The following CCDC192 variants were observed in gnomAD, a reference collection of about 807,000 sequenced individuals.
CCDC192 encodes the protein coiled-coil domain containing 192.
At chr5:127,753,565 G>T (rs751538394) in intron 2 of CCDC192, among the ~76,000 whole-genome samples, 2 of 152,078 alleles carry the variant, frequency 1.3e-5, no homozygotes, top group Admixed American at 1.3e-4. Context: ...GCATGGTGGC[G>T]CGTGCCTGTA....
At chr5:127,799,338 A>G (rs1388585459) in intron 5 of CCDC192, among the ~76,000 whole-genome samples, 2 of 152,232 alleles carry the variant, frequency 1.3e-5, no homozygotes, top group Non-Finnish European at 2.9e-5. Flanking sequence ...CTCTAAATTC[A>G]GAATCTTTTT....
chr5:127,805,282 C>G (rs1278702973), intron 5 of CCDC192, among the ~76,000 whole-genome samples: 1 of 152,148 alleles, frequency 6.6e-6, no homozygotes, highest in Non-Finnish European at 1.5e-5. Flanking sequence ...ATCACTCCCC[C>G]TCCTTGATCA....
intron 5 of CCDC192, among the ~76,000 whole-genome samples, chr5:127,866,806 A>G (rs1483061146): frequency 1.3e-5 from 2 of 152,192 alleles, no homozygotes; most frequent in Non-Finnish European, 2.9e-5. Flanking sequence ...TAACTCTGCC[A>G]CAAGAAAGCT....
chr5:127,891,432 C>T (rs1049406171), intron 6 of CCDC192, among the ~76,000 whole-genome samples: 1 of 152,148 alleles, frequency 6.6e-6, no homozygotes, highest in Non-Finnish European at 1.5e-5. Flanking sequence ...TTTCCACTAC[C>T]AAATCTAAAT....
At chr5:127,939,941 C>T (rs1216654721) in intron 6 of CCDC192, among the ~76,000 whole-genome samples, 1 of 152,184 alleles carries the variant, frequency 6.6e-6, no homozygotes, top group Non-Finnish European at 1.5e-5. Flanking sequence ...AAATGATACC[C>T]AAGCCCTTGA....
At chr5:127,759,663 TAC>T (rs926160621) in intron 3 of CCDC192, among the ~76,000 whole-genome samples, 1 of 152,230 alleles carries the variant, frequency 6.6e-6, no homozygotes, top group African/African-American at 2.4e-5. Context: ...TTTTCACTCC[TAC>T]CAGTGGTCAT....
At chr5:127,842,887 A>G (rs1750350564) in intron 5 of CCDC192, among the ~76,000 whole-genome samples, 1 of 152,154 alleles carries the variant, frequency 6.6e-6, no homozygotes, top group African/African-American at 2.4e-5. Flanking sequence ...CACAACTTCC[A>G]CTATACAGGG....
At chr5:127,895,024 T>C (rs1240138704) in intron 6 of CCDC192, among the ~76,000 whole-genome samples, 1 of 152,198 alleles carries the variant, frequency 6.6e-6, no homozygotes, top group Non-Finnish European at 1.5e-5. Context: ...CAGGGGTACA[T>C]GTGTAGGATG....
chr5:127,785,179 C>G, intron 3 of CCDC192: 1 of 528,378 alleles, frequency 1.9e-6, no homozygotes, highest in South Asian at 1.4e-5. Flanking sequence ...TACCAATTCT[C>G]CTTTAGACAA....
chr5:127,746,971 A>G (rs548130461), intron 2 of CCDC192, among the ~76,000 whole-genome samples: 1 of 152,256 alleles, frequency 6.6e-6, no homozygotes, highest in South Asian at 2.1e-4. Context: ...TTGTATCATC[A>G]GGAAATGCAC....
At chr5:127,711,893 C>G (rs1751355706) in intron 2 of CCDC192, among the ~76,000 whole-genome samples, 1 of 151,962 alleles carries the variant, frequency 6.6e-6, no homozygotes, top group Non-Finnish European at 1.5e-5. Flanking sequence ...TCTCTTTCAG[C>G]TTTACTAAGA....
At chr5:127,828,032 G>C (rs1490820472) in intron 5 of CCDC192, among the ~76,000 whole-genome samples, 1 of 152,092 alleles carries the variant, frequency 6.6e-6, no homozygotes, top group Non-Finnish European at 1.5e-5. Flanking sequence ...TCAGCCTCCT[G>C]AGTAGCTGGG....
intron 5 of CCDC192, among the ~76,000 whole-genome samples, chr5:127,851,209 A>T (rs574873111): frequency 6.6e-6 from 1 of 152,228 alleles, no homozygotes; most frequent in Admixed American, 6.5e-5. Context: ...GGTGTCTATG[A>T]TTTACAACTA....
chr5:127,712,346 A>G (rs2126781635), intron 2 of CCDC192, among the ~76,000 whole-genome samples: 1 of 152,188 alleles, frequency 6.6e-6, no homozygotes, highest in East Asian at 1.9e-4. Flanking sequence ...ATGGGGTTGC[A>G]TCCCTCATGA....
At chr5:127,850,527 G>A (rs765005594) in intron 5 of CCDC192, among the ~76,000 whole-genome samples, 11 of 152,122 alleles carry the variant, frequency 7.2e-5, no homozygotes, top group Non-Finnish European at 8.8e-5. Context: ...AGAGCCCACC[G>A]TATAAGCAGG....
At position 127,771,518 on chromosome 5, in the gene CCDC192, G is replaced by A. The variant is rs73345039; in HGVS notation, c.222+17143G>A. Reference sequence around the variant, plus strand: ...TCATTCATGGAAATGTCTATGTCATGTTTATATGCTGAATGGAATCTTTCA... The same window carrying A: ...TCATTCATGGAAATGTCTATGTCATATTTATATGCTGAATGGAATCTTTCA... On this transcript the variant is annotated intron_variant, in intron 3 of 6. Coordinates refer to ENST00000514853, the MANE Select transcript of CCDC192 (RefSeq NM_001317938.2). Among the ~76,000 whole-genome samples the A allele has an allele frequency of 4.7e-3, 716 of 152,310 alleles. 1 individual carries two copies. Among genetic ancestry groups the A allele is most frequent in the African/African-American group, 0.016 (671 of 41,564 alleles).
At chr5:127,907,492 T>A (rs1753231145) in intron 6 of CCDC192, among the ~76,000 whole-genome samples, 1 of 151,512 alleles carries the variant, frequency 6.6e-6, no homozygotes, top group African/African-American at 2.4e-5. Flanking sequence ...TTCTAATTAT[T>A]TATTTCCTTT....
At chr5:127,828,574 G>A (rs1433337450) in intron 5 of CCDC192, among the ~76,000 whole-genome samples, 1 of 152,170 alleles carries the variant, frequency 6.6e-6, no homozygotes, top group East Asian at 1.9e-4. Context: ...TCAGACCAGT[G>A]GAGGACATCA....
At chr5:127,916,632 A>G (rs1050485073) in intron 6 of CCDC192, among the ~76,000 whole-genome samples, 5 of 152,256 alleles carry the variant, frequency 3.3e-5, no homozygotes, top group African/African-American at 1.2e-4. Context: ...CATCTCTACC[A>G]AAACTTTTGG....
Sources: allele counts gnomAD v4.1 joint callset (sites outside exome capture counted in the v4.1 genomes callset), GRCh38; gene constraint gnomAD v4.1.1; transcripts MANE v1.5; gene names NCBI Gene and HGNC (gene_info 2026-07-23, HGNC 2026-07-21).